OSBPL5: variants seen among roughly 807,000 people sequenced by gnomAD.
The protein encoded by OSBPL5 is oxysterol binding protein like 5.
In OSBPL5, 71 loss-of-function variants were observed where a neutral mutation model predicts 111.2. That is an observed-to-expected ratio of 0.64 (90% CI 0.53 to 0.78). The LOEUF is 0.78. OSBPL5 is among the 30% of genes least tolerant of loss of function. OSBPL5 has a pLI of 0.00. For missense variants in OSBPL5, 1,210 were observed against 1,189.3 expected (o/e 1.02, Z -0.26); for synonymous variants, 549 against 513.9 (o/e 1.07, Z -0.93).
chr11:3,092,444 C>G lies in OSBPL5; in HGVS notation c.2247G>C (p.Gly749=). 1 of 1,580,264 alleles carries G rather than the reference C, an allele frequency of 6.3e-7. No individual in the cohort carries two copies. The highest frequency in any genetic ancestry group is 8.6e-7 in the Non-Finnish European group (1 of 1,163,454). The change falls in exon 19 of 22, where the codon GGG becomes GGC. Residue 749 remains glycine, a synonymous_variant. Coordinates refer to ENST00000263650, the MANE Select transcript of OSBPL5 (RefSeq NM_020896.4). The surrounding 1 kb of genome is among the most constrained non-coding windows in gnomAD (Gnocchi z 5.4). The part of the protein sequence containing the change: ...ARQTTFLGSP[G]PRHERSGPDQ... ...GTGGGGTGCTGACCTCGTGCCTGGG[C>G]CCTGGGCTGCCCAGGAAGGTGGTCT... is the stretch of plus-strand genomic sequence containing the variant.
Position 3,107,517 on chromosome 11 carries a change from G to A in OSBPL5, c.867-62C>T. The A allele has an allele frequency of 6.4e-7, 1 of 1,567,062 alleles. No homozygotes were observed. On this transcript the variant is annotated intron_variant, in intron 8 of 21. Transcript: ENST00000263650. This position sits in a 1 kb window ranked among gnomAD's most constrained non-coding sequence, Gnocchi z 6.1. ...GGTGAGAGCCCAGCACAGCCCTCTG[G>A]GCTGCCCACCCCTCGCTGCTCCGCA... is the stretch of plus-strand genomic sequence containing the variant.
At chr11:3,157,691 G>A (rs931656884) in intron 1 of OSBPL5, among the ~76,000 whole-genome samples, 31 of 152,242 alleles carry the variant, frequency 2.0e-4, no homozygotes, top group Admixed American at 1.6e-3. Flanking sequence ...GCCCTCGGCC[G>A]GCTGGGGACT....
chr11:3,089,475 G>A (rs1456166848), intron 21 of OSBPL5, among the ~76,000 whole-genome samples: 8 of 152,178 alleles, frequency 5.3e-5, no homozygotes, highest in Admixed American at 2.6e-4. Context: ...GCCACTGTGC[G>A]CAGGTATGGG....
At chr11:3,097,668 A>G (rs1350914445) in intron 14 of OSBPL5, among the ~76,000 whole-genome samples, 1 of 152,218 alleles carries the variant, frequency 6.6e-6, no homozygotes. Flanking sequence ...ACAGAATATG[A>G]GAGTGACCAG....
chr11:3,159,606 A>G (rs1186222213), intron 1 of OSBPL5, among the ~76,000 whole-genome samples: 1 of 152,196 alleles, frequency 6.6e-6, no homozygotes, highest in Non-Finnish European at 1.5e-5. Context: ...GCAGCCTGGG[A>G]CCAATGCCAA....
Position 3,110,479 on chromosome 11 carries a change from G to A in OSBPL5, c.692-2534C>T, listed in dbSNP as rs1336358045. Among the ~76,000 whole-genome samples, 2 of 152,226 alleles carry A rather than the reference G, an allele frequency of 1.3e-5. No individual in the cohort carries two copies. The highest frequency in any genetic ancestry group is 2.9e-5 in the Non-Finnish European group (2 of 68,038). ...GAAATTCTCGTTCTAGCACTTTCTT[G>A]CTGGCAGTTTGCCTGTGCCTCAGTT... On this transcript the variant is annotated intron_variant, in intron 7 of 21. Transcript: ENST00000263650. This position sits in a 1 kb window ranked among gnomAD's most constrained non-coding sequence, Gnocchi z 5.3.
chr11:3,118,744 T>C (rs1010841537), intron 7 of OSBPL5, among the ~76,000 whole-genome samples: 3 of 151,930 alleles, frequency 2.0e-5, no homozygotes, highest in Admixed American at 1.3e-4. Context: ...GCTAATTTTG[T>C]ATTTTTAGTA....
In OSBPL5 at chr11:3,140,409, G is replaced by A. The variant is rs1846073469; in HGVS notation, c.-21-11240C>T. 6.6e-6 allele frequency among the ~76,000 whole-genome samples: 1 copy of A among 152,160 alleles called. No individual in the cohort carries two copies. The highest frequency in any genetic ancestry group is 1.5e-5 in the Non-Finnish European group (1 of 68,004). On this transcript the variant is annotated intron_variant, in intron 1 of 21. Transcript: ENST00000263650. This position sits in a 1 kb window ranked among gnomAD's most constrained non-coding sequence, Gnocchi z 4.5. Reference sequence around the variant, plus strand: ...GGACACCCTTCCCAGGGCCAAGGCAGCCCAGGAAAAGCCAGCACAGCGTGT... The same window carrying A: ...GGACACCCTTCCCAGGGCCAAGGCAACCCAGGAAAAGCCAGCACAGCGTGT...
At position 3,107,951 on chromosome 11, in the gene OSBPL5, G is replaced by A; in HGVS notation, c.692-6C>T. 1 of 1,591,018 alleles carries A rather than the reference G, an allele frequency of 6.3e-7. No homozygotes were observed. Among genetic ancestry groups the A allele is most frequent in the Non-Finnish European group, 8.5e-7 (1 of 1,177,782 alleles). On this transcript the variant is annotated splice_polypyrimidine_tract_variant and splice_region_variant and intron_variant, in intron 7 of 21. Coordinates refer to ENST00000263650, the MANE Select transcript of OSBPL5 (RefSeq NM_020896.4). This position sits in a 1 kb window ranked among gnomAD's most constrained non-coding sequence, Gnocchi z 6.1. Reference sequence around the variant, plus strand: ...GGCGTCCAGCCAGCAGCGACCTGCGGGGCACACGGGATGAGCATGCCCCAC... The same window carrying A: ...GGCGTCCAGCCAGCAGCGACCTGCGAGGCACACGGGATGAGCATGCCCCAC...
chr11:3,128,112 G>A (rs1590691003), intron 2 of OSBPL5, among the ~76,000 whole-genome samples: 1 of 152,262 alleles, frequency 6.6e-6, no homozygotes, highest in African/African-American at 2.4e-5. Context: ...CTTCAGCAAG[G>A]CCACCTCTAC....
chr11:3,087,624 C>A lies in OSBPL5; in HGVS notation c.*581G>T. ...GGTTCCAGGACCTGCCTCTGTGGGG[C>A]TCCCATCCAAACAGCACAGCGTGGA... On this transcript the variant is annotated 3_prime_UTR_variant, in exon 22 of 22. Transcript: ENST00000263650. 1 of 153,268 alleles carries A rather than the reference C, an allele frequency of 6.5e-6. No homozygotes were observed. Among genetic ancestry groups the A allele is most frequent in the Non-Finnish European group, 1.5e-5 (1 of 68,786 alleles). 9.5% of individuals were successfully genotyped at this position (153,268 alleles called of 1,614,324 possible). A position where few individuals can be genotyped will look rare whatever the true frequency, so the allele number is the denominator to read the frequency against.
At chr11:3,094,132 CTGCCT>C (rs1268437849) in intron 15 of OSBPL5, 100 bp downstream of exon 15, 14 of 1,130,492 alleles carry the variant, frequency 1.2e-5, no homozygotes, top group Non-Finnish European at 1.8e-5. Context: ...CTTATGTGCA[CTGCCT>C]TGGGGAACCT....
rs145930741 is a variant in OSBPL5, at chr11:3,121,121, T to G, written c.403-497A>C. Among the ~76,000 whole-genome samples the G allele has an allele frequency of 6.7e-6, 1 of 149,478 alleles. No homozygotes were observed. Among genetic ancestry groups the G allele is most frequent in the Non-Finnish European group, 1.5e-5 (1 of 67,506 alleles). ...GCCCAGGCTGGAGGTGCAGTGGTGCTATCTTGGCTCGCTGCAAACTCTGCC... is the reference window on the plus strand; with the variant it reads ...GCCCAGGCTGGAGGTGCAGTGGTGCGATCTTGGCTCGCTGCAAACTCTGCC... On this transcript the variant is annotated intron_variant, in intron 5 of 21. Transcript: ENST00000263650. The surrounding 1 kb of genome is among the most constrained non-coding windows in gnomAD (Gnocchi z 4.3).
intron 7 of OSBPL5, among the ~76,000 whole-genome samples, chr11:3,115,087 C>T (rs1267778925): frequency 2.0e-5 from 3 of 152,096 alleles, no homozygotes; most frequent in Non-Finnish European, 4.4e-5. Flanking sequence ...TTGTTTTCCT[C>T]CTCAGGTTCT....
chr11:3,101,574 C>G lies in OSBPL5; in HGVS notation c.1522+29G>C, dbSNP rs1200531480. 5 of 1,588,412 alleles carry G rather than the reference C, an allele frequency of 3.1e-6. No homozygotes were observed. The Admixed American group carries it at 8.4e-5, about 27-fold the overall frequency. ...CCGACCATCGCATTTCCCTGAGGCCCCAGGGAGCGCCCAGGGTGACCCCCT... is the reference window on the plus strand; with the variant it reads ...CCGACCATCGCATTTCCCTGAGGCCGCAGGGAGCGCCCAGGGTGACCCCCT... On this transcript the variant is annotated intron_variant, in intron 13 of 21. Coordinates refer to ENST00000263650, the MANE Select transcript of OSBPL5 (RefSeq NM_020896.4).
chr11:3,103,667 GC>G (rs1328041454), intron 10 of OSBPL5, among the ~76,000 whole-genome samples: 4 of 143,324 alleles, frequency 2.8e-5, no homozygotes, highest in African/African-American at 5.3e-5. Flanking sequence ...TGCCTCTGTT[GC>G]CCCCTTCCAG....
rs772734492 is a variant in OSBPL5 at position 3,104,404 on chromosome 11, C to T, written c.1060-27G>A. 10 of 1,599,530 alleles carry T rather than the reference C, an allele frequency of 6.3e-6. No homozygotes were observed. The South Asian group carries it at 8.8e-5, about 14-fold the overall frequency. ...TGCAGCAGACAGGCTGCAGTCAGGC[C>T]CTGCCCGGAAGAGCCGGGAGGAAGG... On this transcript the variant is annotated intron_variant, in intron 9 of 21. Transcript: ENST00000263650. This position sits in a 1 kb window ranked among gnomAD's most constrained non-coding sequence, Gnocchi z 5.0.
At chr11:3,129,207 C>T (rs1858742510) in intron 1 of OSBPL5, 38 bp from the exon 2 acceptor site, 1 of 1,359,356 alleles carries the variant, frequency 7.4e-7, no homozygotes, top group Non-Finnish European at 9.5e-7. Flanking sequence ...GAGGTCACCG[C>T]CCCGGAAGGG....
At chr11:3,139,350 G>A (rs1043541785) in intron 1 of OSBPL5, among the ~76,000 whole-genome samples, 6 of 152,214 alleles carry the variant, frequency 3.9e-5, no homozygotes, top group South Asian at 2.1e-4. Context: ...CATCAGCTCT[G>A]AAGGTGCTGG....
Sources: gnomAD v4.1 joint callset for allele counts (sites outside exome capture counted in the v4.1 genomes callset) on GRCh38, gnomAD v4.1.1 for gene constraint, Gnocchi (gnomAD v3.1) non-coding constraint, MANE v1.5 for transcripts, NCBI Gene and HGNC (gene_info 2026-07-23, HGNC 2026-07-21) for gene names.